SCAP: variants seen among roughly 807,000 people sequenced by gnomAD.
SCAP encodes sterol regulatory element-binding protein cleavage-activating protein.
In SCAP, 65 loss-of-function variants were observed where a neutral mutation model predicts 123.6. That is an observed-to-expected ratio of 0.53 (90% CI 0.43 to 0.65). The LOEUF (loss-of-function observed/expected upper bound fraction) is 0.65, where lower values mean the gene tolerates loss of function less well. Ranked by LOEUF, SCAP falls within the 30% of genes least tolerant of loss-of-function variation. SCAP has a pLI of 0.00. For missense variants in SCAP, 1,398 were observed against 1,712.5 expected (o/e 0.82, Z 3.24); for synonymous variants, 740 against 726.3 (o/e 1.02, Z -0.30).
At chr3:47,418,626 T>TGGC in intron 14 of SCAP, 29 bp downstream of exon 14, 2 of 1,459,538 alleles carry the variant, frequency 1.4e-6, no homozygotes, top group Non-Finnish European at 1.9e-6. Flanking sequence ...CCGCACTCTT[T>TGGC]CCCACCCCAC....
intron 1 of SCAP, among the ~76,000 whole-genome samples, chr3:47,446,968 C>A (rs1315828553): frequency 4.6e-5 from 7 of 152,060 alleles, no homozygotes; most frequent in African/African-American, 1.7e-4. Flanking sequence ...AATCTGTGAT[C>A]CATTTGAGTT....
Position 47,417,367 on chromosome 3 carries a change from G to A in SCAP, c.2907C>T (p.Ser969=). The A allele has an allele frequency of 2.5e-6, 4 of 1,608,986 alleles. No homozygotes were observed. The highest frequency in any genetic ancestry group is 3.4e-6 in the Non-Finnish European group (4 of 1,178,368). ...TGCCCTGCAGCTCCAAGCTCCAGAT[G>A]GAACCCTCGGCACTGGGGGCCCAGG... ...SLAWAPSAEG[S]IWSLELQGNL... is the part of the protein sequence containing the mutation. The change falls in exon 17 of 23, where the codon TCC becomes TCT. Residue 969 remains serine, a synonymous_variant. Coordinates refer to ENST00000265565, the MANE Select transcript of SCAP (RefSeq NM_012235.4).
chr3:47,471,436 C>G (rs2108032998), intron 1 of SCAP, among the ~76,000 whole-genome samples: 1 of 152,282 alleles, frequency 6.6e-6, no homozygotes, highest in East Asian at 1.9e-4. Flanking sequence ...ACAAACTTGA[C>G]TCTGAGCTTC....
At chr3:47,417,857 G>T in intron 16 of SCAP, 31 bp from the exon 17 acceptor site, 1 of 1,241,060 alleles carries the variant, frequency 8.1e-7, no homozygotes, top group Non-Finnish European at 1.1e-6. Context: ...GTGAGAGGGG[G>T]CACGGGGGAG....
At chr3:47,449,933 A>C (rs2107949107) in intron 1 of SCAP, among the ~76,000 whole-genome samples, 1 of 125,198 alleles carries the variant, frequency 8.0e-6, no homozygotes, top group South Asian at 3.0e-4. Context: ...TTATCACATC[A>C]GAACTCTTAA....
At chr3:47,461,804 C>T (rs183670424) in intron 1 of SCAP, among the ~76,000 whole-genome samples, 1 of 152,292 alleles carries the variant, frequency 6.6e-6, no homozygotes, top group Admixed American at 6.5e-5. Flanking sequence ...GAGGCCGAGG[C>T]AAACAGATCA....
intron 10 of SCAP, among the ~76,000 whole-genome samples, chr3:47,421,606 C>T (rs1462793414): frequency 8.5e-5 from 13 of 152,262 alleles, no homozygotes; most frequent in African/African-American, 2.7e-4. Context: ...CACCACAGTG[C>T]TACTCCGATC....
At position 47,418,494 on chromosome 3, in the gene SCAP, T is replaced by C. The variant is rs1705741461; in HGVS notation, c.2158A>G (p.Ile720Val). 6.3e-7 allele frequency: 1 copy of C among 1,599,638 alleles called. No individual in the cohort carries two copies. The change falls in exon 15 of 23, where the codon ATC becomes GTC. Residue 720 changes from isoleucine (I) to valine (V), a missense_variant. Transcript: ENST00000265565. Reference sequence around the variant, plus strand: ...CAGAGCAGCAGCAGCACCAAGACGATGCCGGTGGCCAGGCCCAGCGCCGCC... The same window carrying C: ...CAGAGCAGCAGCAGCACCAAGACGACGCCGGTGGCCAGGCCCAGCGCCGCC... ...KVAALGLATGIVLVLLLLCLY... is the reference protein window; with the variant it reads ...KVAALGLATGVVLVLLLLCLY...
At chr3:47,416,808 A>G (rs1291428656) in intron 18 of SCAP, among the ~76,000 whole-genome samples, 1 of 150,354 alleles carries the variant, frequency 6.7e-6, no homozygotes, top group African/African-American at 2.5e-5. Flanking sequence ...TTGTATTTTT[A>G]GTAGAGACGG....
chr3:47,460,848 G>A (rs948288284), intron 1 of SCAP, among the ~76,000 whole-genome samples: 12 of 152,168 alleles, frequency 7.9e-5, no homozygotes, highest in Non-Finnish European at 1.3e-4. Context: ...GAGCCACTGC[G>A]CCCAGCAAGA....
intron 1 of SCAP, among the ~76,000 whole-genome samples, chr3:47,472,233 A>G (rs1470064103): frequency 6.6e-6 from 1 of 151,722 alleles, no homozygotes; most frequent in African/African-American, 2.4e-5. Flanking sequence ...GGAGATCGAG[A>G]CCATCCTGGC....
In SCAP at chr3:47,420,574, G is replaced by C. The variant is rs1467972336; in HGVS notation, c.1543C>G (p.Leu515Val). The change falls in exon 12 of 23, where the codon CTG (leucine) becomes GTG (valine). Residue 515 changes from leucine (L) to valine (V), a missense_variant. Leu to Val is a conservative substitution (Grantham distance 32). Transcript: ENST00000265565. This position sits in a 1 kb window ranked among gnomAD's most constrained non-coding sequence, Gnocchi z 5.0. ...RVVYFLARTR[L>V]AQRLIMAGTV... ...GGTACCATGATGAGGCGCTGTGCCA[G>C]GCGGGTGCGGGCCAGGAAGTAGACA... 1 of 1,607,864 alleles carries C rather than the reference G, an allele frequency of 6.2e-7. No homozygotes were observed. Among genetic ancestry groups the C allele is most frequent in the Non-Finnish European group, 8.5e-7 (1 of 1,177,582 alleles).
At chr3:47,445,639 T>C (rs563443818) in intron 1 of SCAP, among the ~76,000 whole-genome samples, 1 of 152,238 alleles carries the variant, frequency 6.6e-6, no homozygotes, top group South Asian at 2.1e-4. Context: ...CAGCGCGATC[T>C]CAGCTCACTG....
intron 1 of SCAP, among the ~76,000 whole-genome samples, chr3:47,445,324 G>A (rs1340380749): frequency 7.0e-6 from 1 of 142,564 alleles, no homozygotes; most frequent in Non-Finnish European, 1.5e-5. Flanking sequence ...TCCACTCAAT[G>A]CAACCTCTGC....
At chr3:47,416,214 A>G (rs908015949) in intron 18 of SCAP, among the ~76,000 whole-genome samples, 3 of 152,244 alleles carry the variant, frequency 2.0e-5, no homozygotes, top group Admixed American at 1.3e-4. Flanking sequence ...CGTCCGGCAG[A>G]AGGCACCTGG....
chr3:47,431,946 T>C (rs1472672670), intron 3 of SCAP, among the ~76,000 whole-genome samples: 1 of 152,210 alleles, frequency 6.6e-6, no homozygotes, highest in African/African-American at 2.4e-5. Flanking sequence ...TTCAAGCATA[T>C]GGACTCAGGA....
chr3:47,444,274 C>A (rs989361009), intron 1 of SCAP, among the ~76,000 whole-genome samples: 6 of 152,078 alleles, frequency 3.9e-5, no homozygotes, highest in African/African-American at 1.4e-4. Flanking sequence ...GGGAACCTGC[C>A]CAGACACATT....
At chr3:47,434,565 C>T (rs956266842) in intron 3 of SCAP, among the ~76,000 whole-genome samples, 1 of 152,144 alleles carries the variant, frequency 6.6e-6, no homozygotes, top group Non-Finnish European at 1.5e-5. Flanking sequence ...TGGCCAGGTG[C>T]GGTGGCTCAC....
chr3:47,439,060 C>T lies in SCAP; in HGVS notation c.122+3812G>A, dbSNP rs1042946652. 7.2e-5 allele frequency among the ~76,000 whole-genome samples: 11 copies of T among 152,090 alleles called. No individual in the cohort carries two copies. Among genetic ancestry groups the T allele is most frequent in the Non-Finnish European group, 1.5e-4 (10 of 68,032 alleles). On this transcript the variant is annotated intron_variant, in intron 2 of 22. Coordinates refer to ENST00000265565, the MANE Select transcript of SCAP (RefSeq NM_012235.4). This position sits in a 1 kb window ranked among gnomAD's most constrained non-coding sequence, Gnocchi z 4.0. ...ATATGTACAGATACATCTTGACTTACGATGGGGTTATGTCCTGATAACGCT... is the reference window on the plus strand; with the variant it reads ...ATATGTACAGATACATCTTGACTTATGATGGGGTTATGTCCTGATAACGCT...
Sources: gnomAD v4.1 joint callset for allele counts (sites outside exome capture counted in the v4.1 genomes callset) on GRCh38, gnomAD v4.1.1 for gene constraint, Gnocchi (gnomAD v3.1) non-coding constraint, MANE v1.5 for transcripts, NCBI Gene and HGNC (gene_info 2026-07-23, HGNC 2026-07-21) for gene names.